Variants in FBXO28 observed in about 807,000 individuals in gnomAD.
FBXO28 encodes the protein F-box only protein 28.
Under a neutral mutation model 38.1 loss-of-function variants are expected in FBXO28, and 8 were observed. That is an observed-to-expected ratio of 0.21 (90% CI 0.12 to 0.38). FBXO28 has a LOEUF of 0.38. Ranked by LOEUF, FBXO28 falls within the 10% of genes least tolerant of loss-of-function variation. The probability of loss-of-function intolerance (pLI) is 1.00; values close to 1 mark genes in which losing one functional copy is unlikely to be tolerated. For missense variants in FBXO28, 345 were observed against 460.6 expected (o/e 0.75, Z 2.30); for synonymous variants, 168 against 173.8 (o/e 0.97, Z 0.26).
intron 4 of FBXO28, among the ~76,000 whole-genome samples, chr1:224,155,841 C>T (rs1483890927): frequency 6.6e-6 from 1 of 152,166 alleles, no homozygotes; most frequent in East Asian, 1.9e-4. Context: ...GTGGTGTCTG[C>T]TCTCAAGGAT....
chr1:224,149,942 A>G (rs530951966), intron 3 of FBXO28, among the ~76,000 whole-genome samples: 1 of 152,220 alleles, frequency 6.6e-6, no homozygotes, highest in Non-Finnish European at 1.5e-5. Flanking sequence ...CCTGGGGCAA[A>G]AAGGTGGGGA....
chr1:224,133,392 T>C (rs564139414), intron 2 of FBXO28, among the ~76,000 whole-genome samples: 1 of 152,348 alleles, frequency 6.6e-6, no homozygotes, highest in South Asian at 2.1e-4. Flanking sequence ...CTAAAAAGTT[T>C]AAAGGAGTTA....
chr1:224,114,627 C>T (rs1289134717), intron 1 of FBXO28, among the ~76,000 whole-genome samples: 1 of 71,190 alleles, frequency 1.4e-5, no homozygotes, highest in Non-Finnish European at 3.1e-5. Flanking sequence ...GGGGACTTCG[C>T]CTTGGGGGCT....
intron 1 of FBXO28, among the ~76,000 whole-genome samples, chr1:224,116,445 G>A (rs539523191): frequency 2.0e-5 from 3 of 152,126 alleles, no homozygotes; most frequent in South Asian, 2.1e-4. Flanking sequence ...AAAAATCAAG[G>A]GACTTTAGTG....
chr1:224,152,594 A>G (rs917531630), intron 3 of FBXO28, among the ~76,000 whole-genome samples: 6 of 152,118 alleles, frequency 3.9e-5, no homozygotes, highest in African/African-American at 1.4e-4. Flanking sequence ...CAGTCCCAAC[A>G]TAGTACCTGA....
intron 3 of FBXO28, among the ~76,000 whole-genome samples, chr1:224,135,065 T>C (rs1657141733): frequency 6.6e-6 from 1 of 152,248 alleles, no homozygotes; most frequent in African/African-American, 2.4e-5. Flanking sequence ...TTTCTTATGA[T>C]TGTATTTGAA....
chr1:224,135,630 A>AAAAAAAAAAAAAAG (rs1553290016), intron 3 of FBXO28, among the ~76,000 whole-genome samples: 1 of 115,786 alleles, frequency 8.6e-6, no homozygotes, highest in Non-Finnish European at 1.7e-5. Flanking sequence ...AAAAAAAAAA[A>AAAAAAAAAAAAAAG]AAAAAGAAAA....
chr1:224,152,652 C>T (rs778447377), intron 3 of FBXO28, among the ~76,000 whole-genome samples: 2 of 151,996 alleles, frequency 1.3e-5, no homozygotes, highest in East Asian at 3.9e-4. Context: ...TGTAACAGGC[C>T]GGGCACAGTG....
rs1657882137 is a variant in FBXO28, at chr1:224,160,533, A to G, written c.*2787A>G. On this transcript the variant is annotated 3_prime_UTR_variant, in exon 5 of 5. Coordinates refer to ENST00000366862, the MANE Select transcript of FBXO28 (RefSeq NM_015176.4). ...CCCACCCCAGCCGGATCCTCTGCTT[A>G]TCTCCCACATGCACTTGGCTTAACT... 1 of 152,210 alleles carries G rather than the reference A, an allele frequency of 6.6e-6. No homozygotes were observed. The highest frequency in any genetic ancestry group is 1.5e-5 in the Non-Finnish European group (1 of 68,054). 9.4% of individuals were successfully genotyped at this position (152,210 alleles called of 1,614,324 possible).
chr1:224,122,884 A>G (rs1656811061), intron 1 of FBXO28, among the ~76,000 whole-genome samples: 1 of 152,324 alleles, frequency 6.6e-6, no homozygotes, highest in South Asian at 2.1e-4. Context: ...CAGTTCTATA[A>G]CAGCAGAGTA....
At chr1:224,121,477 G>A (rs1656777102) in intron 1 of FBXO28, among the ~76,000 whole-genome samples, 2 of 152,112 alleles carry the variant, frequency 1.3e-5, no homozygotes, top group Admixed American at 1.3e-4. Flanking sequence ...ACACAATATA[G>A]TAATACAAGT....
chr1:224,147,282 G>A (rs887588984), intron 3 of FBXO28, among the ~76,000 whole-genome samples: 8 of 151,642 alleles, frequency 5.3e-5, no homozygotes, highest in African/African-American at 1.5e-4. Flanking sequence ...AATTAGCTGG[G>A]CGTGGTGGCA....
chr1:224,143,640 C>A (rs1356774940), intron 3 of FBXO28, among the ~76,000 whole-genome samples: 1 of 151,768 alleles, frequency 6.6e-6, no homozygotes, highest in African/African-American at 2.4e-5. Context: ...CTAGCTAACA[C>A]GGTAAAACCC....
At chr1:224,127,421 A>G (rs1048538591) in intron 1 of FBXO28, among the ~76,000 whole-genome samples, 1 of 152,132 alleles carries the variant, frequency 6.6e-6, no homozygotes, top group African/African-American at 2.4e-5. Flanking sequence ...GTTAAACCAC[A>G]TATCAAAAAG....
rs925126412 is a variant in FBXO28, at chr1:224,159,423, G to A, written c.*1677G>A. The A allele has an allele frequency of 2.0e-5, 3 of 152,224 alleles. No individual in the cohort carries two copies. Among genetic ancestry groups the A allele is most frequent in the African/African-American group, 7.3e-5 (3 of 41,278 alleles). 9.4% of individuals were successfully genotyped at this position (152,224 alleles called of 1,614,324 possible). On this transcript the variant is annotated 3_prime_UTR_variant, in exon 5 of 5. Transcript: ENST00000366862. ...GTCCTTAGATTTTGATCAATTCTATGTCTGACTTTGAAATTCCATTTACAA... is the reference window on the plus strand; with the variant it reads ...GTCCTTAGATTTTGATCAATTCTATATCTGACTTTGAAATTCCATTTACAA...
intron 3 of FBXO28, among the ~76,000 whole-genome samples, chr1:224,136,351 A>C (rs940510339): frequency 6.6e-6 from 1 of 152,050 alleles, no homozygotes; most frequent in African/African-American, 2.4e-5. Context: ...TTTTCAGTCT[A>C]ACATATAATC....
intron 2 of FBXO28, among the ~76,000 whole-genome samples, chr1:224,132,379 T>G (rs1363763152): frequency 6.6e-6 from 1 of 152,078 alleles, no homozygotes; most frequent in East Asian, 1.9e-4. Flanking sequence ...ACTACGAGAT[T>G]TATATCCACT....
In FBXO28 at chr1:224,158,373, C is replaced by G. The variant is rs957044317; in HGVS notation, c.*627C>G. 6.0e-5 allele frequency: 18 copies of G among 299,094 alleles called. No individual in the cohort carries two copies. The highest frequency in any genetic ancestry group is 1.9e-4 in the Admixed American group (3 of 15,404). The allele number at this position is 299,094 out of a possible 1,614,324, so 18.5% of individuals were successfully genotyped here. On this transcript the variant is annotated 3_prime_UTR_variant, in exon 5 of 5. Coordinates refer to ENST00000366862, the MANE Select transcript of FBXO28 (RefSeq NM_015176.4). ...CTTACCCAGCTGTTATACATGTTTTCAGTTCTCTTTGGGGGCCATGTCCTA... is the reference window on the plus strand; with the variant it reads ...CTTACCCAGCTGTTATACATGTTTTGAGTTCTCTTTGGGGGCCATGTCCTA...
chr1:224,139,383 C>T (rs1657283209), intron 3 of FBXO28, among the ~76,000 whole-genome samples: 6 of 151,682 alleles, frequency 4.0e-5, no homozygotes, highest in Admixed American at 3.9e-4. Context: ...AAGGAGCTCC[C>T]ATATAGCTTA....
Sources: allele counts gnomAD v4.1 joint callset (sites outside exome capture counted in the v4.1 genomes callset), GRCh38; gene constraint gnomAD v4.1.1; transcripts MANE v1.5; gene names NCBI Gene and HGNC (gene_info 2026-07-23, HGNC 2026-07-21).